Variants in TSG101 observed in about 807,000 individuals in gnomAD.
The protein encoded by TSG101 is tumor susceptibility gene 101 protein.
A neutral mutation model predicts 48.5 loss-of-function variants in TSG101; 19 were observed. That is an observed-to-expected ratio of 0.39 (90% CI 0.27 to 0.58). The LOEUF is 0.58. Ranked by LOEUF, TSG101 falls within the 20% of genes least tolerant of loss-of-function variation. The pLI, the probability that TSG101 is intolerant of heterozygous loss-of-function variation, is 0.55. For synonymous variants in TSG101, 174 were observed against 169.4 expected, an observed-to-expected ratio of 1.03 and a Z score of -0.21; for missense variants, 365 against 484.4, an observed-to-expected ratio of 0.75 and a Z score of 2.31.
At chr11:18,501,199 T>C (rs1021228450) in intron 7 of TSG101, among the ~76,000 whole-genome samples, 5 of 152,346 alleles carry the variant, frequency 3.3e-5, no homozygotes, top group Admixed American at 6.5e-5. Flanking sequence ...CCTAGGCCAA[T>C]GTCCCGAAGG....
intron 5 of TSG101, 74 bp downstream of exon 5, chr11:18,509,468 C>CT: frequency 6.6e-7 from 1 of 1,517,544 alleles, no homozygotes. Flanking sequence ...CATTATTTTT[C>CT]TTTATTTTTT....
intron 7 of TSG101, among the ~76,000 whole-genome samples, chr11:18,491,526 C>T (rs917268776): frequency 6.6e-6 from 1 of 152,218 alleles, no homozygotes; most frequent in African/African-American, 2.4e-5. Flanking sequence ...GAGAAGACAA[C>T]TAGAAGCTTT....
chr11:18,483,271 G>C (rs1849571047), intron 8 of TSG101, among the ~76,000 whole-genome samples: 1 of 152,074 alleles, frequency 6.6e-6, no homozygotes, highest in African/African-American at 2.4e-5. Context: ...AAGGTGGGTG[G>C]ATCACCTGAG....
chr11:18,521,355 A>G (rs1204493924), intron 1 of TSG101, among the ~76,000 whole-genome samples: 1 of 114,460 alleles, frequency 8.7e-6, no homozygotes, highest in African/African-American at 3.2e-5. Flanking sequence ...GACCAAACTG[A>G]TTCCTTTTTT....
chr11:18,497,307 AAATC>A (rs2133913667), intron 7 of TSG101, among the ~76,000 whole-genome samples: 1 of 152,314 alleles, frequency 6.6e-6, no homozygotes, highest in East Asian at 1.9e-4. Flanking sequence ...ATGATGAAAA[AAATC>A]AAATCAAGTA....
intron 7 of TSG101, among the ~76,000 whole-genome samples, chr11:18,501,540 T>C (rs1010933562): frequency 6.6e-6 from 1 of 152,208 alleles, no homozygotes. Flanking sequence ...TGAAGTCAGG[T>C]AGTATGATGC....
At chr11:18,502,382 TAAG>T in intron 7 of TSG101, 101 bp downstream of exon 7, 1 of 841,052 alleles carries the variant, frequency 1.2e-6, no homozygotes, top group Non-Finnish European at 1.8e-6. Context: ...GGTTTTCCTC[TAAG>T]AAGAAAGAGT....
At chr11:18,487,252 T>TA (rs1465694956) in intron 7 of TSG101, among the ~76,000 whole-genome samples, 75 of 133,832 alleles carry the variant, frequency 5.6e-4, no homozygotes, top group Middle Eastern at 3.5e-3. Context: ...CCCTAAAACT[T>TA]AAAGTATAAT....
intron 8 of TSG101, 53 bp downstream of exon 8, chr11:18,483,816 CT>C: frequency 6.3e-7 from 1 of 1,589,238 alleles, no homozygotes. Flanking sequence ...ATAGAACACT[CT>C]GCCATGGCTA....
At chr11:18,516,239 T>C (rs1425151817) in intron 2 of TSG101, 75 bp from the exon 3 acceptor site, 18 of 1,350,102 alleles carry the variant, frequency 1.3e-5, no homozygotes, top group Admixed American at 9.2e-5. Flanking sequence ...TCAGAAAGAC[T>C]GGTTAAAATT....
In TSG101 at chr11:18,509,682, A is replaced by G; in HGVS notation, c.358-17T>C. The G allele has an allele frequency of 1.3e-6, 2 of 1,577,164 alleles. No homozygotes were observed. Among genetic ancestry groups the G allele is most frequent in the South Asian group, 2.4e-5 (2 of 84,842 alleles). On this transcript the variant is annotated splice_polypyrimidine_tract_variant and intron_variant, in intron 4 of 9. Transcript: ENST00000251968. The stretch of plus-strand genomic sequence containing the variant: ...TGACTGTGGCTACAAAATGAAAAAA[A>G]ATTCAAGTCAGCTACAGAGTTGCTT...
intron 7 of TSG101, among the ~76,000 whole-genome samples, chr11:18,499,402 A>ATATATATT: frequency 1.8e-4 from 1 of 5,456 alleles, no homozygotes; most frequent in African/African-American, 5.0e-4. Flanking sequence ...ATATATATAT[A>ATATATATT]TTTTTTTTTT....
intron 6 of TSG101, among the ~76,000 whole-genome samples, chr11:18,504,957 C>A (rs891952335): frequency 2.0e-5 from 3 of 152,134 alleles, no homozygotes; most frequent in Non-Finnish European, 2.9e-5. Context: ...TTGTCCCTGA[C>A]AAATGTTCTT....
At chr11:18,485,154 CATCAACAAACTCT>C (rs1389038067) in intron 7 of TSG101, among the ~76,000 whole-genome samples, 3 of 152,012 alleles carry the variant, frequency 2.0e-5, no homozygotes, top group Non-Finnish European at 4.4e-5. Flanking sequence ...TTACCAAAAC[CATCAACAAACTCT>C]GTCAACAAAC....
At chr11:18,524,513 T>C (rs1850333493) in intron 1 of TSG101, among the ~76,000 whole-genome samples, 1 of 152,198 alleles carries the variant, frequency 6.6e-6, no homozygotes, top group South Asian at 2.1e-4. Context: ...AGCCCTTCTT[T>C]AGGAGGAAGG....
At chr11:18,491,236 A>T (rs1227908428) in intron 7 of TSG101, 3 of 153,304 alleles carry the variant, frequency 2.0e-5, no homozygotes, top group African/African-American at 7.2e-5. Context: ...AGCCCTCAGA[A>T]CTTCCTGACT....
chr11:18,489,522 A>G (rs1413848261), intron 7 of TSG101, among the ~76,000 whole-genome samples: 3 of 152,238 alleles, frequency 2.0e-5, no homozygotes, highest in East Asian at 3.9e-4. Context: ...ACAAGTTGCA[A>G]ATTGGTAACA....
rs764687924 is a variant in TSG101, at chr11:18,519,581, ACAG to A, written c.62_64del (p.Thr21_Val22delinsIle). 9.9e-6 allele frequency: 16 copies of A among 1,613,002 alleles called. No individual in the cohort carries two copies. In the South Asian group the frequency reaches 1.8e-4, roughly 18 times the overall value. Reference sequence around the variant, plus strand: ...AGTAATAACATTGACAGTTTCACGTACAGTTAGGTCTCTGTATTTGTACTGAAA... The same window carrying A: ...AGTAATAACATTGACAGTTTCACGTATTAGGTCTCTGTATTTGTACTGAAA... On this transcript the variant is annotated inframe_deletion, in exon 2 of 10. Coordinates refer to ENST00000251968, the MANE Select transcript of TSG101 (RefSeq NM_006292.4).
chr11:18,497,373 T>C (rs998521013), intron 7 of TSG101, among the ~76,000 whole-genome samples: 3 of 152,160 alleles, frequency 2.0e-5, no homozygotes, highest in African/African-American at 7.2e-5. Context: ...TATCCTAAAT[T>C]ATCATAAAAT....
Sources: allele counts gnomAD v4.1 joint callset (sites outside exome capture counted in the v4.1 genomes callset), GRCh38; gene constraint gnomAD v4.1.1; transcripts MANE v1.5; gene names NCBI Gene and HGNC (gene_info 2026-07-23, HGNC 2026-07-21).